GABRG1: variants seen among roughly 807,000 people sequenced by gnomAD.
The protein encoded by GABRG1 is gamma-aminobutyric acid type A receptor subunit gamma1.
GABRG1 carries 49 observed loss-of-function variants against 49.8 expected under a neutral mutation model. That is an observed-to-expected ratio of 0.98 (90% CI 0.78 to 1.25). GABRG1 has a LOEUF of 1.25. Ranked by LOEUF, GABRG1 falls within the 50% of genes most tolerant of loss-of-function variation. GABRG1 has a pLI of 0.00. For synonymous variants in GABRG1, 232 were observed against 185.1 expected (o/e 1.25, Z -2.06); for missense variants, 552 against 552.3 (o/e 1.00, Z 0.01).
chr4:46,071,637 A>T (rs964721714), intron 3 of GABRG1, among the ~76,000 whole-genome samples: 1 of 151,648 alleles, frequency 6.6e-6, no homozygotes, highest in Non-Finnish European at 1.5e-5. Context: ...GTGGGACAAG[A>T]TGTGGAGGTG....
At chr4:46,050,640 A>ACCCT (rs1718178317) in intron 8 of GABRG1, among the ~76,000 whole-genome samples, 2 of 151,932 alleles carry the variant, frequency 1.3e-5, no homozygotes, top group Non-Finnish European at 2.9e-5. Flanking sequence ...TGAGAACAGG[A>ACCCT]TATATAAAGG....
chr4:46,077,728 A>G (rs959021510), intron 3 of GABRG1, among the ~76,000 whole-genome samples: 1 of 151,812 alleles, frequency 6.6e-6, no homozygotes, highest in Admixed American at 6.6e-5. Context: ...CTTTTCTGAT[A>G]TCTTTTTTTA....
rs1032928285 is a variant in GABRG1 at position 46,036,680 on chromosome 4, T to G, written c.*4308A>C. On this transcript the variant is annotated 3_prime_UTR_variant, in exon 9 of 9. Transcript: ENST00000295452. ...ATCCCCCATCTCCGCTGAAGACTTG[T>G]GTCACAAGAGTACGGATTTCATCCT... 6.6e-6 allele frequency: 1 copy of G among 151,940 alleles called. No individual in the cohort carries two copies. The highest frequency in any genetic ancestry group is 2.4e-5 in the African/African-American group (1 of 41,432). The allele number at this position is 151,940 out of a possible 1,614,324, so 9.4% of individuals were successfully genotyped here.
intron 2 of GABRG1, among the ~76,000 whole-genome samples, chr4:46,092,315 C>A (rs1339138374): frequency 6.6e-6 from 1 of 151,738 alleles, no homozygotes; most frequent in African/African-American, 2.4e-5. Context: ...AACATATGGA[C>A]ATAATAGCAA....
Position 46,064,452 on chromosome 4 carries a change from T to C in GABRG1, c.614A>G (p.Glu205Gly). The part of the protein sequence containing the change: ...FPMDEHSCPL[E>G]FSSYGYPKNE... ...GTTTTGTTACTTACAGCTTGAAAAT[T>C]CCAGTGGACAGGAATGTTCATCCAT... Residue 205 changes from glutamate (E) to glycine (G), a missense_variant, in exon 5 of 9, where the codon GAA becomes GGA. Glu to Gly is a moderately conservative substitution (Grantham distance 98). Coordinates refer to ENST00000295452, the MANE Select transcript of GABRG1 (RefSeq NM_173536.4). 1 of 1,522,094 alleles carries C rather than the reference T, an allele frequency of 6.6e-7. No individual in the cohort carries two copies. Among genetic ancestry groups the C allele is most frequent in the South Asian group, 1.3e-5 (1 of 75,364 alleles). The allele number at this position is 1,522,094 out of a possible 1,614,324, so 94.3% of individuals were successfully genotyped here.
chr4:46,047,943 A>G lies in GABRG1; in HGVS notation c.1131+3481T>C, dbSNP rs1158819700. ...TGTCTCGTCCATAGCTGGATAAATAAATTTCTATAATTTCACATCTTAATA... is the reference window on the plus strand; with the variant it reads ...TGTCTCGTCCATAGCTGGATAAATAGATTTCTATAATTTCACATCTTAATA... On this transcript the variant is annotated intron_variant, in intron 8 of 8. Transcript: ENST00000295452. Among the ~76,000 whole-genome samples the G allele has an allele frequency of 3.3e-5, 5 of 152,052 alleles. No individual in the cohort carries two copies. In the East Asian group the frequency reaches 9.6e-4, roughly 29 times the overall value.
At chr4:46,116,304 T>G (rs937041545) in intron 1 of GABRG1, among the ~76,000 whole-genome samples, 12 of 150,822 alleles carry the variant, frequency 8.0e-5, no homozygotes, top group Non-Finnish European at 1.3e-4. Flanking sequence ...GAACACTGAA[T>G]AGACAATATA....
chr4:46,088,455 C>A (rs11945555), intron 2 of GABRG1, among the ~76,000 whole-genome samples: 88,449 of 151,604 alleles, frequency 0.58, 26,514 homozygotes, highest in African/African-American at 0.69. Flanking sequence ...TTTGTTCTGA[C>A]TTTTACAAAA....
At chr4:46,085,441 T>G (rs1425944292) in intron 2 of GABRG1, among the ~76,000 whole-genome samples, 1 of 151,558 alleles carries the variant, frequency 6.6e-6, no homozygotes, top group African/African-American at 2.4e-5. Flanking sequence ...TATCAGTAAG[T>G]CCAATATTGC....
In GABRG1 at chr4:46,037,930, G is replaced by C. The variant is rs1171757281; in HGVS notation, c.*3058C>G. 6.6e-6 allele frequency: 1 copy of C among 151,452 alleles called. No homozygotes were observed. Among genetic ancestry groups the C allele is most frequent in the Non-Finnish European group, 1.5e-5 (1 of 67,668 alleles). The allele number at this position is 151,452 out of a possible 1,614,324, so 9.4% of individuals were successfully genotyped here. A position where few individuals can be genotyped will look rare whatever the true frequency, so the allele number is the denominator to read the frequency against. ...AGATTTCAATTTTATTCTTGTTCTTGAGACAAAAACATTGTCTATTTTATG... is the reference window on the plus strand; with the variant it reads ...AGATTTCAATTTTATTCTTGTTCTTCAGACAAAAACATTGTCTATTTTATG... On this transcript the variant is annotated 3_prime_UTR_variant, in exon 9 of 9. Transcript: ENST00000295452.
At chr4:46,098,961 C>T (rs573835986) in intron 1 of GABRG1, among the ~76,000 whole-genome samples, 1 of 151,292 alleles carries the variant, frequency 6.6e-6, no homozygotes, top group Non-Finnish European at 1.5e-5. Flanking sequence ...AGTAAAAATC[C>T]TTATATTGCC....
Position 46,083,875 on chromosome 4 carries a change from C to G in GABRG1, c.321+111G>C, listed in dbSNP as rs1272462800. 6 of 695,552 alleles carry G rather than the reference C, an allele frequency of 8.6e-6. No homozygotes were observed. The African/African-American group carries it at 1.1e-4, about 13-fold the overall frequency. 43.1% of individuals were successfully genotyped at this position (695,552 alleles called of 1,614,324 possible). On this transcript the variant is annotated intron_variant, in intron 3 of 8. Transcript: ENST00000295452. ...GCACAAAGTAATTGTACATGTTGATCTGAATTCATTCAGAATTAACTATAA... is the reference window on the plus strand; with the variant it reads ...GCACAAAGTAATTGTACATGTTGATGTGAATTCATTCAGAATTAACTATAA...
At chr4:46,045,543 T>C (rs1717960724) in intron 8 of GABRG1, among the ~76,000 whole-genome samples, 1 of 151,724 alleles carries the variant, frequency 6.6e-6, no homozygotes, top group African/African-American at 2.4e-5. Context: ...ACAGAAAATG[T>C]ACGACTCCTT....
intron 3 of GABRG1, among the ~76,000 whole-genome samples, 153 bp downstream of exon 3, chr4:46,083,833 C>G (rs112459471): frequency 2.0e-5 from 3 of 151,612 alleles, no homozygotes; most frequent in Non-Finnish European, 3.0e-5. Context: ...TAGTTTAGCT[C>G]CAGTTGCCAA....
intron 3 of GABRG1, among the ~76,000 whole-genome samples, chr4:46,078,357 T>G (rs1377357695): frequency 1.3e-5 from 2 of 152,018 alleles, no homozygotes; most frequent in African/African-American, 4.8e-5. Flanking sequence ...AAGAATTGCC[T>G]CTTTCCAGTT....
chr4:46,087,055 A>G (rs1006407438), intron 2 of GABRG1, among the ~76,000 whole-genome samples: 2 of 151,832 alleles, frequency 1.3e-5, no homozygotes, highest in African/African-American at 2.4e-5. Flanking sequence ...CAACCGATAC[A>G]TTCATGAGAG....
At chr4:46,069,703 A>C (rs13104953) in intron 3 of GABRG1, among the ~76,000 whole-genome samples, 2 of 151,904 alleles carry the variant, frequency 1.3e-5, no homozygotes, top group Non-Finnish European at 2.9e-5. Context: ...GCATTCATCA[A>C]TTAAATTTTT....
At chr4:46,083,625 C>T (rs935800702) in intron 3 of GABRG1, among the ~76,000 whole-genome samples, 3 of 151,596 alleles carry the variant, frequency 2.0e-5, no homozygotes, top group Non-Finnish European at 3.0e-5. Context: ...TGACTTTGTG[C>T]ATGCTGCTTT....
At chr4:46,120,765 C>A (rs1371370469) in intron 1 of GABRG1, among the ~76,000 whole-genome samples, 2 of 151,656 alleles carry the variant, frequency 1.3e-5, no homozygotes, top group Non-Finnish European at 3.0e-5. Context: ...CTGAATGCCA[C>A]ATAGTATGAT....
Sources: allele counts gnomAD v4.1 joint callset (sites outside exome capture counted in the v4.1 genomes callset), GRCh38; gene constraint gnomAD v4.1.1; transcripts MANE v1.5; gene names NCBI Gene and HGNC (gene_info 2026-07-23, HGNC 2026-07-21).